CNTNAP5: variants seen among roughly 807,000 people sequenced by gnomAD.
CNTNAP5 encodes the protein contactin associated protein family member 5, also known as contactin-associated protein-like 5.
A neutral mutation model predicts 150.2 loss-of-function variants in CNTNAP5; 72 were observed. The observed-to-expected ratio is 0.48, with a 90% CI of 0.40 to 0.58. The LOEUF (loss-of-function observed/expected upper bound fraction) is 0.58. Among genes scored for constraint, CNTNAP5 ranks in the 20% least tolerant of loss-of-function variants. The pLI is 0.00. For missense variants in CNTNAP5, 1,636 were observed against 1,626.2 expected, an observed-to-expected ratio of 1.01 and a Z score of -0.10; for synonymous variants, 672 against 619.8, an observed-to-expected ratio of 1.08 and a Z score of -1.25.
At chr2:124,258,251 T>C (rs1573871902) in intron 3 of CNTNAP5, among the ~76,000 whole-genome samples, 2 of 152,236 alleles carry the variant, frequency 1.3e-5, no homozygotes, top group East Asian at 3.9e-4. Flanking sequence ...CTCATTAATT[T>C]GTTCCCAGCC....
chr2:124,602,148 G>A (rs531392872), intron 11 of CNTNAP5, among the ~76,000 whole-genome samples: 1 of 152,082 alleles, frequency 6.6e-6, no homozygotes, highest in African/African-American at 2.4e-5. Context: ...TTCGAGACCA[G>A]CCTGGCCAAC....
intron 13 of CNTNAP5, among the ~76,000 whole-genome samples, chr2:124,744,852 G>A (rs1680571903): frequency 6.6e-6 from 1 of 152,084 alleles, no homozygotes; most frequent in African/African-American, 2.4e-5. Flanking sequence ...AATCTCTCCA[G>A]TACTGCACAG....
intron 11 of CNTNAP5, among the ~76,000 whole-genome samples, chr2:124,564,788 A>G (rs1303809584): frequency 2.0e-5 from 3 of 152,240 alleles, no homozygotes; most frequent in Admixed American, 1.3e-4. Context: ...GAGAAAGATA[A>G]TTCTGAAATC....
Position 124,920,226 on chromosome 2 carries a change from T to A in CNTNAP5, c.*5938T>A, listed in dbSNP as rs1306480243. Among the ~76,000 whole-genome samples, 1 of 152,134 alleles carries A rather than the reference T, an allele frequency of 6.6e-6. No individual in the cohort carries two copies. The highest frequency in any genetic ancestry group is 6.6e-5 in the Admixed American group (1 of 15,262). ...TTTTAACGAGTGTCATAGTCTTACA[T>A]GCTTCAGATGCCAGAAATATCTTCA... On this transcript the variant is annotated 3_prime_UTR_variant, in exon 24 of 24. Transcript: ENST00000682447.
chr2:124,113,971 CT>C (rs1327259674), intron 1 of CNTNAP5, among the ~76,000 whole-genome samples: 1 of 151,906 alleles, frequency 6.6e-6, no homozygotes, highest in Non-Finnish European at 1.5e-5. Context: ...TTATATCCCC[CT>C]GATCTATTTG....
At chr2:124,149,426 A>AAC (rs1553442214) in intron 1 of CNTNAP5, among the ~76,000 whole-genome samples, 37 of 141,430 alleles carry the variant, frequency 2.6e-4, no homozygotes, top group African/African-American at 8.6e-4. Flanking sequence ...AAAAAAAAAA[A>AAC]CTCAGGAAAA....
chr2:124,518,711 G>T (rs1694785694), intron 8 of CNTNAP5, among the ~76,000 whole-genome samples: 1 of 152,094 alleles, frequency 6.6e-6, no homozygotes. Context: ...AATTGACCAG[G>T]TGTGGTAGCT....
intron 10 of CNTNAP5, among the ~76,000 whole-genome samples, chr2:124,534,298 G>T (rs533757738): frequency 1.3e-5 from 2 of 152,270 alleles, no homozygotes; most frequent in East Asian, 3.9e-4. Context: ...ATGGAGTAAA[G>T]TGAAAGCAAG....
chr2:124,856,591 G>A (rs1417796064), intron 19 of CNTNAP5, among the ~76,000 whole-genome samples: 1 of 152,112 alleles, frequency 6.6e-6, no homozygotes, highest in Admixed American at 6.6e-5. Context: ...GATCATGAGT[G>A]ATGTTGAGCA....
At chr2:124,638,269 A>G (rs950514418) in intron 12 of CNTNAP5, among the ~76,000 whole-genome samples, 1 of 143,612 alleles carries the variant, frequency 7.0e-6, no homozygotes, top group Non-Finnish European at 1.6e-5. Context: ...ACCTTGTTTC[A>G]GCAATGTCAG....
rs1010400293 is a variant in CNTNAP5 at position 124,037,609 on chromosome 2, C to T, written c.82+11877C>T. 7.9e-5 allele frequency among the ~76,000 whole-genome samples: 12 copies of T among 152,130 alleles called. No homozygotes were observed. The East Asian group carries it at 1.5e-3, about 20-fold the overall frequency. On this transcript the variant is annotated intron_variant, in intron 1 of 23. Coordinates refer to ENST00000682447, the MANE Select transcript of CNTNAP5 (RefSeq NM_001367498.1). ...GAAAGACAAATGCTACACAAACTCA[C>T]TTATATGTGGAATCTAAAAAATTCA...
intron 1 of CNTNAP5, among the ~76,000 whole-genome samples, chr2:124,163,860 T>C (rs1684746230): frequency 8.7e-5 from 1 of 11,432 alleles, no homozygotes; most frequent in South Asian, 0.012. Flanking sequence ...TGCATGCCTC[T>C]AAGAAAAAAA....
At chr2:124,507,478 A>T (rs1694438946) in intron 8 of CNTNAP5, among the ~76,000 whole-genome samples, 1 of 152,144 alleles carries the variant, frequency 6.6e-6, no homozygotes. Context: ...AAACAACAAC[A>T]ACAACAAAAC....
chr2:124,805,146 G>A (rs1055302405), intron 19 of CNTNAP5, among the ~76,000 whole-genome samples: 5 of 152,190 alleles, frequency 3.3e-5, no homozygotes, highest in African/African-American at 7.2e-5. Flanking sequence ...GAAGGAGAAA[G>A]ATAAGGTACA....
At chr2:124,723,502 C>T (rs1156254449) in intron 13 of CNTNAP5, among the ~76,000 whole-genome samples, 2 of 152,134 alleles carry the variant, frequency 1.3e-5, no homozygotes, top group Admixed American at 1.3e-4. Flanking sequence ...AAAGCTGCTC[C>T]ACATTTTTAG....
chr2:124,485,997 C>T (rs1429592309), intron 7 of CNTNAP5, among the ~76,000 whole-genome samples: 1 of 152,154 alleles, frequency 6.6e-6, no homozygotes, highest in African/African-American at 2.4e-5. Context: ...GAGAAAGACA[C>T]TTGGACTTGC....
intron 1 of CNTNAP5, among the ~76,000 whole-genome samples, chr2:124,180,797 C>A: frequency 7.1e-6 from 1 of 140,484 alleles, no homozygotes; most frequent in African/African-American, 2.7e-5. Context: ...CCAAATAATT[C>A]AAGCTCTGCT....
chr2:124,342,058 C>T (rs527898988), intron 3 of CNTNAP5, among the ~76,000 whole-genome samples: 16 of 152,218 alleles, frequency 1.1e-4, no homozygotes, highest in African/African-American at 2.9e-4. Context: ...ATCTCAAACA[C>T]GATAAGCAGG....
chr2:124,803,125 AAAG>A (rs1682007390), intron 19 of CNTNAP5, among the ~76,000 whole-genome samples: 3 of 151,970 alleles, frequency 2.0e-5, no homozygotes, highest in African/African-American at 7.3e-5. Flanking sequence ...AAAAAAAAAA[AAAG>A]AAGTCTAGTT....
Sources: allele counts gnomAD v4.1 joint callset (sites outside exome capture counted in the v4.1 genomes callset), GRCh38; gene constraint gnomAD v4.1.1; transcripts MANE v1.5; gene names NCBI Gene and HGNC (gene_info 2026-07-23, HGNC 2026-07-21).